The following TINF2 variants were observed in gnomAD, a reference collection of about 807,000 sequenced individuals.
TINF2 encodes TERF1-interacting nuclear factor 2.
TINF2 carries 27 observed loss-of-function variants against 50.4 expected under a neutral mutation model. The observed-to-expected ratio is 0.54, with a 90% confidence interval of 0.40 to 0.74. The LOEUF (loss-of-function observed/expected upper bound fraction) is 0.74, where lower values mean the gene tolerates loss of function less well. TINF2 is among the 30% of genes least tolerant of loss of function. The pLI, the probability that TINF2 is intolerant of heterozygous loss-of-function variation, is 0.00. For missense variants in TINF2, 496 were observed against 551.5 expected, an observed-to-expected ratio of 0.90 and a Z score of 1.01; for synonymous variants, 223 against 214.6, an observed-to-expected ratio of 1.04 and a Z score of -0.34.
At position 24,241,929 on chromosome 14, in the gene TINF2, G is replaced by C; in HGVS notation, c.258C>G (p.His86Gln). 1.9e-6 allele frequency: 3 copies of C among 1,614,252 alleles called. No homozygotes were observed. Among genetic ancestry groups the C allele is most frequent in the Non-Finnish European group, 2.5e-6 (3 of 1,180,042 alleles). ...WAQVLKALNH[H>Q]FPESGPIVRD... is the part of the protein sequence containing the mutation. ...GCACTATAGGTCCAGATTCTGGAAA[G>C]TGGTGATTCAGGGCTTTCAGGACTT... is the stretch of plus-strand genomic sequence containing the variant. Residue 86 changes from histidine (H) to glutamine (Q), a missense_variant, in exon 2 of 9, where the codon CAC becomes CAG. This residue lies in a region of TINF2 where 314 missense variants were observed against 343.8 expected (regional missense o/e 0.91). Transcript: ENST00000267415.
Position 24,241,725 on chromosome 14 carries a change from G to C in TINF2, c.349C>G (p.Gln117Glu), listed in dbSNP as rs762635263. The change falls in exon 3 of 9, where the codon CAG (glutamine) becomes GAG (glutamate). Residue 117 changes from glutamine (Q) to glutamate (E), a missense_variant. Physicochemically the swap from Gln to Glu is conservative, Grantham distance 29. This residue lies in a region of TINF2 where 314 missense variants were observed against 343.8 expected (regional missense o/e 0.91). Coordinates refer to ENST00000267415, the MANE Select transcript of TINF2 (RefSeq NM_001099274.3). ...ILEAQETFYQ[Q>E]VKQLSEAPVD... ...GGAGCCTCTGACAGCTGCTTCACCTGCTGGTAAAAAGTTTCCTGTGCCTCC... is the reference window on the plus strand; with the variant it reads ...GGAGCCTCTGACAGCTGCTTCACCTCCTGGTAAAAAGTTTCCTGTGCCTCC... The C allele has an allele frequency of 1.9e-6, 3 of 1,613,250 alleles. No homozygotes were observed. The African/African-American group carries it at 4.0e-5, about 22-fold the overall frequency.
chr14:24,242,192 G>A lies in TINF2; in HGVS notation c.141C>T (p.Gly47=), dbSNP rs1351749746. The change falls in exon 1 of 9, where the codon GGC becomes GGT. Residue 47 remains glycine (G), a synonymous_variant. Coordinates refer to ENST00000267415, the MANE Select transcript of TINF2 (RefSeq NM_001099274.3). ...GTTCGTGGTGCCGGTAGCGAACCAA[G>A]CCAGGGGCAACAGCGCGCAGAGATC... ...FLRSLRAVAP[G]LVRYRHHERL... 3 of 1,614,124 alleles carry A rather than the reference G, an allele frequency of 1.9e-6. No individual in the cohort carries two copies. The Admixed American group carries it at 5.0e-5, about 27-fold the overall frequency.
chr14:24,241,069 A>G lies in TINF2; in HGVS notation c.555T>C (p.Ser185=), dbSNP rs1002438747. 2 of 1,614,062 alleles carry G rather than the reference A, an allele frequency of 1.2e-6. No individual in the cohort carries two copies. The highest frequency in any genetic ancestry group is 2.7e-5 in the African/African-American group (2 of 74,918). Residue 185 remains serine (S), a synonymous_variant, in exon 5 of 9, where the codon TCT becomes TCC. Transcript: ENST00000267415. ...CACCATATTGTCTCCAGGCAAGAGA[A>G]GAGGTGATAGAGACTCCAGGCTGCA... ...SWMQPGVSIT[S]SLAWRQYGVD...
rs753506686 is a variant in TINF2, at chr14:24,239,861, G to A, written c.1292C>T (p.Pro431Leu). The A allele has an allele frequency of 1.9e-6, 3 of 1,614,144 alleles. No individual in the cohort carries two copies. The highest frequency in any genetic ancestry group is 1.7e-5 in the Admixed American group (1 of 60,016). The change falls in exon 9 of 9, where the codon CCT becomes CTT. Residue 431 changes from proline (P) to leucine (L), a missense_variant. By Grantham distance (98) the Pro-to-Leu change is moderately conservative. Around this residue, in one of 3 missense-constraint regions of TINF2, gnomAD observed 179 missense variants for 188.3 expected, o/e 0.95. Coordinates refer to ENST00000267415, the MANE Select transcript of TINF2 (RefSeq NM_001099274.3). ...LIPTLCEYLP[P>L]SGHGAIPVSS... is the part of the protein sequence containing the mutation. ...AACAGGTATGGCACCGTGGCCAGAA[G>A]GGGGTAGGTATTCACAGAGAGTGGG...
At position 24,240,774 on chromosome 14, in the gene TINF2, G is replaced by A. The variant is rs199422321; in HGVS notation, c.706C>T (p.Pro236Ser). 690 of 1,613,832 alleles carry A rather than the reference G, an allele frequency of 4.3e-4. 11 individuals are homozygous for A. The South Asian group carries it at 6.5e-3, about 15-fold the overall frequency. ...ALHNPLPKAK[P>S]GTHLPQGPSS... The stretch of plus-strand genomic sequence containing the variant: ...GGTCCCTGAGGAAGATGTGTGCCAG[G>A]CTTGGCTTTTGGCAGGGGATTGTGG... The change falls in exon 6 of 9, where the codon CCT (proline) becomes TCT (serine). Residue 236 changes from proline (P) to serine (S), a missense_variant. This residue lies in a region of TINF2 where 314 missense variants were observed against 343.8 expected (regional missense o/e 0.91). Transcript: ENST00000267415.
rs770236820 is a variant in TINF2, at chr14:24,242,326, T to G, written c.7A>C (p.Thr3Pro). 8 of 1,612,070 alleles carry G rather than the reference T, an allele frequency of 5.0e-6. No homozygotes were observed. Among genetic ancestry groups the G allele is most frequent in the African/African-American group, 1.3e-5 (1 of 74,956 alleles). The change falls in exon 1 of 9, where the codon ACG becomes CCG. Residue 3 changes from threonine to proline, a missense_variant. Physicochemically the swap from Thr to Pro is conservative, Grantham distance 38. This residue lies in a region of TINF2 where 314 missense variants were observed against 343.8 expected (regional missense o/e 0.91). Transcript: ENST00000267415. MA[T>P]PLVAGPAALR... ...GCTGCGGGACCCGCCACCAGGGGCG[T>G]AGCCATGGTCGGCGGGCTCCGCCCG... is the stretch of plus-strand genomic sequence containing the variant.
chr14:24,241,398 G>A (rs2040576561), intron 3 of TINF2, 87 bp from the exon 4 acceptor site: 2 of 1,339,034 alleles, frequency 1.5e-6, no homozygotes, highest in South Asian at 1.2e-5. Context: ...GGGAGGCCGA[G>A]GTGGGCGGAT....
chr14:24,242,407 AGGGGC>A lies in TINF2; in HGVS notation c.-80_-76del. ...TGGGTGAGGCTTTCCGATCACTCCT[AGGGGC>A]GGGGCTTCTGGCAACTCCCTGTCGC... On this transcript the variant is annotated 5_prime_UTR_variant, in exon 1 of 9. It removes the in-frame stop codon of an upstream open reading frame in the 5' UTR. Transcript: ENST00000267415. The A allele has an allele frequency of 6.6e-7, 1 of 1,522,178 alleles. No homozygotes were observed. Among genetic ancestry groups the A allele is most frequent in the Non-Finnish European group, 8.8e-7 (1 of 1,141,398 alleles). 94.3% of individuals were successfully genotyped at this position (1,522,178 alleles called of 1,614,324 possible).
At position 24,242,512 on chromosome 14, in the gene TINF2, G is replaced by T. The variant is rs2040603770; in HGVS notation, c.-180C>A. ...ATCGGCCCCCAGAATTCTGGGGGAGGGGGTCTTCTGGCTCGGGCTGGAGGA... is the reference window on the plus strand; with the variant it reads ...ATCGGCCCCCAGAATTCTGGGGGAGTGGGTCTTCTGGCTCGGGCTGGAGGA... On this transcript the variant is annotated 5_prime_UTR_variant, in exon 1 of 9. Coordinates refer to ENST00000267415, the MANE Select transcript of TINF2 (RefSeq NM_001099274.3). The T allele has an allele frequency of 1.4e-6, 2 of 1,430,012 alleles. No individual in the cohort carries two copies. Among genetic ancestry groups the T allele is most frequent in the Non-Finnish European group, 1.8e-6 (2 of 1,097,856 alleles). 88.6% of individuals were successfully genotyped at this position (1,430,012 alleles called of 1,614,324 possible).
In TINF2 at chr14:24,242,294, G is replaced by T. The variant is rs561394221; in HGVS notation, c.39C>A (p.Arg13=). 6.2e-7 allele frequency: 1 copy of T among 1,613,304 alleles called. No individual in the cohort carries two copies. The highest frequency in any genetic ancestry group is 1.1e-5 in the South Asian group (1 of 91,078). ...CCTGCCAGCTAGCCGCGGCGGCGAA[G>T]CGTAGAGCTGCGGGACCCGCCACCA... ...TPLVAGPAAL[R]FAAAASWQVV... Residue 13 remains arginine (R), a synonymous_variant, in exon 1 of 9, where the codon CGC becomes CGA. Transcript: ENST00000267415.
In TINF2 at chr14:24,240,338, G is replaced by C; in HGVS notation, c.1062-8C>G. 6.2e-7 allele frequency: 1 copy of C among 1,614,034 alleles called. No individual in the cohort carries two copies. The highest frequency in any genetic ancestry group is 8.5e-7 in the Non-Finnish European group (1 of 1,180,024). On this transcript the variant is annotated splice_polypyrimidine_tract_variant and splice_region_variant and intron_variant, in intron 6 of 8. Transcript: ENST00000267415. ...TAGCAATCCAAGCAATTCCTGAGGT[G>C]AGAGCAAGCAAAGAGGATAGGATGA...
chr14:24,240,574 C>G lies in TINF2; in HGVS notation c.906G>C (p.Lys302Asn). 6.2e-7 allele frequency: 1 copy of G among 1,614,148 alleles called. No individual in the cohort carries two copies. The highest frequency in any genetic ancestry group is 8.5e-7 in the Non-Finnish European group (1 of 1,180,034). ...NLGSPTQVIS[K>N]PESKEEHAIY... ...TCGCATGTTCTTCCTTGCTCTCAGG[C>G]TTAGATATGACCTGGGTTGGTGAGC... Residue 302 changes from lysine to asparagine, a missense_variant, in exon 6 of 9, where the codon AAG becomes AAC. Transcript: ENST00000267415.
chr14:24,242,520 C>T lies in TINF2; in HGVS notation c.-188G>A, dbSNP rs934232734. On this transcript the variant is annotated 5_prime_UTR_variant, in exon 1 of 9. Transcript: ENST00000267415. Reference sequence around the variant, plus strand: ...CCAGAATTCTGGGGGAGGGGGTCTTCTGGCTCGGGCTGGAGGAGCCTGAGT... The same window carrying T: ...CCAGAATTCTGGGGGAGGGGGTCTTTTGGCTCGGGCTGGAGGAGCCTGAGT... 51 of 1,427,492 alleles carry T rather than the reference C, an allele frequency of 3.6e-5. No individual in the cohort carries two copies. The African/African-American group carries it at 5.6e-4, about 16-fold the overall frequency. 88.4% of individuals were successfully genotyped at this position (1,427,492 alleles called of 1,614,324 possible).
rs1275750540 is a variant in TINF2, at chr14:24,241,908, T to C, written c.279A>G (p.Ile93Met). The C allele has an allele frequency of 6.2e-7, 1 of 1,614,230 alleles. No individual in the cohort carries two copies. The highest frequency in any genetic ancestry group is 1.7e-5 in the Admixed American group (1 of 60,028). ...TACTCACAGCCTTGGGATCCCGCAC[T>C]ATAGGTCCAGATTCTGGAAAGTGGT... ...LNHHFPESGP[I>M]VRDPKATKQD... Residue 93 changes from isoleucine (I) to methionine (M), a missense_variant, in exon 2 of 9, where the codon ATA becomes ATG. This residue lies in a region of TINF2 where 314 missense variants were observed against 343.8 expected (regional missense o/e 0.91). Transcript: ENST00000267415.
At position 24,240,695 on chromosome 14, in the gene TINF2, G is replaced by T; in HGVS notation, c.785C>A (p.Pro262His). The change falls in exon 6 of 9, where the codon CCT becomes CAT. Residue 262 changes from proline (P) to histidine (H), a missense_variant. Physicochemically the swap from Pro to His is moderately conservative, Grantham distance 77. This residue lies in a region of TINF2 where 314 missense variants were observed against 343.8 expected (regional missense o/e 0.91). Coordinates refer to ENST00000267415, the MANE Select transcript of TINF2 (RefSeq NM_001099274.3). ...PLAGRHFNLA[P>H]LGRRRVQSQW... Reference sequence around the variant, plus strand: ...GGACTGAACTCTTCGTCGGCCTAGAGGGGCCAGATTGAAGTGTCGGCCAGC... The same window carrying T: ...GGACTGAACTCTTCGTCGGCCTAGATGGGCCAGATTGAAGTGTCGGCCAGC... 6.2e-7 allele frequency: 1 copy of T among 1,614,034 alleles called. No individual in the cohort carries two copies. Among genetic ancestry groups the T allele is most frequent in the Non-Finnish European group, 8.5e-7 (1 of 1,179,968 alleles).
At position 24,242,233 on chromosome 14, in the gene TINF2, C is replaced by G. The variant is rs1333983632; in HGVS notation, c.100G>C (p.Val34Leu). The G allele has an allele frequency of 6.2e-7, 1 of 1,614,266 alleles. No individual in the cohort carries two copies. Among genetic ancestry groups the G allele is most frequent in the Admixed American group, 1.7e-5 (1 of 60,038 alleles). The change falls in exon 1 of 9, where the codon GTA (valine) becomes CTA (leucine). Residue 34 changes from valine to leucine, a missense_variant. Val to Leu is a conservative substitution (Grantham distance 32, BLOSUM62 1). Around this residue, in one of 3 missense-constraint regions of TINF2, gnomAD observed 314 missense variants for 343.8 expected, o/e 0.91. Transcript: ENST00000267415. ...CGCAGAGATCGCAGAAACTCCAGTACTCGCGGAAAATGTTCCACGCAGCGT... is the reference window on the plus strand; with the variant it reads ...CGCAGAGATCGCAGAAACTCCAGTAGTCGCGGAAAATGTTCCACGCAGCGT... Reference protein sequence around the residue: ...RGRCVEHFPRVLEFLRSLRAV... With the variant: ...RGRCVEHFPRLLEFLRSLRAV...
chr14:24,239,977 C>G (rs2040532180), intron 8 of TINF2, 46 bp from the exon 9 acceptor site: 4 of 1,614,048 alleles, frequency 2.5e-6, no homozygotes, highest in Non-Finnish European at 3.4e-6. Context: ...AAACCATTCC[C>G]TGAACCCTCT....
chr14:24,240,959 A>G (rs1488164141), intron 5 of TINF2, 61 bp downstream of exon 5: 8 of 1,613,822 alleles, frequency 5.0e-6, no homozygotes, highest in Non-Finnish European at 6.8e-6. Flanking sequence ...CCATGGAACT[A>G]TTCCAGTGGA....
intron 7 of TINF2, 47 bp from the exon 8 acceptor site, chr14:24,240,202 A>G: frequency 6.2e-7 from 1 of 1,614,090 alleles, no homozygotes; most frequent in Non-Finnish European, 8.5e-7. Context: ...AGATGAACAC[A>G]GGCTCTTGAG....
Sources: gnomAD v4.1 joint callset for allele counts on GRCh38, gnomAD v4.1.1 for gene constraint, gnomAD v4.1.1 regional missense constraint, MANE v1.5 for transcripts, NCBI Gene and HGNC (gene_info 2026-07-23, HGNC 2026-07-21) for gene names.